The following PPOX variants were observed in gnomAD, a reference collection of about 807,000 sequenced individuals.
The protein encoded by PPOX is protoporphyrinogen oxidase.
PPOX carries 23 observed loss-of-function variants against 54.1 expected under a neutral mutation model. The ratio of observed to expected loss-of-function variants is 0.43; its 90% CI spans 0.31 to 0.60. The LOEUF is 0.60. PPOX is among the 20% of genes least tolerant of loss of function. PPOX has a pLI of 0.13. For synonymous variants in PPOX, 224 were observed against 236.1 expected (o/e 0.95, Z 0.47); for missense variants, 512 against 601.1 (o/e 0.85, Z 1.55).
downstream of PPOX, chr1:161,172,544 C>T (rs1042757817): frequency 5.5e-6 from 3 of 541,776 alleles, no homozygotes; most frequent in Non-Finnish European, 9.6e-6. Context: ...GCCAGTCACC[C>T]TAGGGCCTTT....
rs1184807069 is a variant in PPOX, at chr1:161,166,887, G to A, written c.40G>A (p.Gly14Ser). The change falls in exon 2 of 13, where the codon GGC becomes AGC. Residue 14 changes from glycine (G) to serine (S), a missense_variant. By Grantham distance (56) the Gly-to-Ser change is moderately conservative. Coordinates refer to ENST00000367999, the MANE Select transcript of PPOX (RefSeq NM_001122764.3). ...TVVVLGGGISGLAASYHLSRA... is the reference protein window; with the variant it reads ...TVVVLGGGISSLAASYHLSRA... ...GGTCGTGCTGGGCGGAGGCATCAGC[G>A]GCTTGGCCGCCAGTTACCACCTGAG... 2.5e-6 allele frequency: 4 copies of A among 1,613,648 alleles called. No individual in the cohort carries two copies. In the African/African-American group the frequency reaches 4.0e-5, roughly 16 times the overall value.
intron 7 of PPOX, 29 bp from the exon 8 acceptor site, chr1:161,169,631 G>A: frequency 6.2e-7 from 1 of 1,607,970 alleles, no homozygotes; most frequent in African/African-American, 1.3e-5. Flanking sequence ...CTCATTTTCT[G>A]GGTCTCTCAA....
downstream of PPOX, chr1:161,175,872 C>G: frequency 6.2e-7 from 1 of 1,614,102 alleles, no homozygotes; most frequent in Non-Finnish European, 8.5e-7. Context: ...CCCCTGGGGC[C>G]CCAGGCAGGT....
downstream of PPOX, among the ~76,000 whole-genome samples, chr1:161,172,825 C>T (rs1339291385): frequency 7.1e-6 from 1 of 140,174 alleles, no homozygotes; most frequent in Non-Finnish European, 1.5e-5. Flanking sequence ...GCCAGGAGTT[C>T]AAGACCAGCC....
downstream of PPOX, among the ~76,000 whole-genome samples, chr1:161,174,347 G>A (rs1662658172): frequency 6.6e-6 from 1 of 150,938 alleles, no homozygotes; most frequent in Non-Finnish European, 1.5e-5. Flanking sequence ...GGTGGAGCTT[G>A]CAGTCAGCCG....
At chr1:161,170,125 G>A in intron 9 of PPOX, 101 bp downstream of exon 9, 1 of 1,395,960 alleles carries the variant, frequency 7.2e-7, no homozygotes, top group African/African-American at 1.4e-5. Context: ...AGGAGTTCGA[G>A]ACCAGCCTGG....
chr1:161,171,358 T>C (rs1055874805), downstream of PPOX: 23 of 1,084,912 alleles, frequency 2.1e-5, no homozygotes, highest in African/African-American at 4.7e-5. Context: ...CCCAGCCCCC[T>C]GAGCCAGGAC....
chr1:161,173,774 AT>A, downstream of PPOX: 1 of 1,612,548 alleles, frequency 6.2e-7, no homozygotes, highest in Non-Finnish European at 8.5e-7. Flanking sequence ...CTGGGGACAC[AT>A]CCCCAACCAC....
intron 7 of PPOX, 80 bp downstream of exon 7, chr1:161,169,263 A>C: frequency 6.6e-7 from 1 of 1,507,884 alleles, no homozygotes; most frequent in Non-Finnish European, 9.1e-7. Context: ...CAGGGCCGAT[A>C]GGACTGGAGT....
chr1:161,175,166 G>A, downstream of PPOX: 1 of 1,613,846 alleles, frequency 6.2e-7, no homozygotes, highest in Non-Finnish European at 8.5e-7. Flanking sequence ...TCTACCCGGG[G>A]ATTCCGCTCC....
chr1:161,169,839 A>T (rs1660515345), intron 8 of PPOX, 67 bp from the exon 9 acceptor site: 2 of 1,614,038 alleles, frequency 1.2e-6, no homozygotes, highest in Non-Finnish European at 1.7e-6. Context: ...ATGGGAGTCT[A>T]ATCCCAAAGA....
downstream of PPOX, chr1:161,174,166 G>A (rs918066913): frequency 9.2e-7 from 1 of 1,082,044 alleles, no homozygotes; most frequent in Non-Finnish European, 1.3e-6. Context: ...CCAGTACTTT[G>A]GGAGGCCAAG....
At chr1:161,168,934 G>C (rs1660121703) in intron 6 of PPOX, 59 bp from the exon 7 acceptor site, 1 of 1,599,928 alleles carries the variant, frequency 6.3e-7, no homozygotes, top group African/African-American at 1.3e-5. Flanking sequence ...AAAGTGCTGG[G>C]ATTACAGGTG....
At chr1:161,171,341 T>C, downstream of PPOX, 1 of 1,210,258 alleles carries the variant, frequency 8.3e-7, no homozygotes, top group Admixed American at 2.0e-5. Context: ...AGAAAATATA[T>C]CAAAATCCCA....
chr1:161,166,729 C>G, intron 1 of PPOX, 57 bp downstream of exon 1: 1 of 1,551,914 alleles, frequency 6.4e-7, no homozygotes, highest in Non-Finnish European at 8.7e-7. Flanking sequence ...TCCGTGCACA[C>G]TTAGTTTCCC....
chr1:161,167,283 T>C (rs774589266), intron 3 of PPOX, 49 bp downstream of exon 3: 60 of 1,613,944 alleles, frequency 3.7e-5, no homozygotes, highest in Middle Eastern at 1.6e-4. Context: ...GGGGCTTCCA[T>C]TGGGGAATAG....
At chr1:161,174,048 G>A (rs778678677), downstream of PPOX, 5 of 1,613,062 alleles carry the variant, frequency 3.1e-6, no homozygotes, top group Non-Finnish European at 4.2e-6. Flanking sequence ...TCCATTTCCA[G>A]CCTGGAAGAT....
At chr1:161,174,532 C>A (rs911043751), downstream of PPOX, among the ~76,000 whole-genome samples, 4 of 152,260 alleles carry the variant, frequency 2.6e-5, no homozygotes, top group African/African-American at 7.2e-5. Flanking sequence ...ACAAATCTTG[C>A]TTGTGTATTG....
chr1:161,171,452 T>C (rs1661404859), downstream of PPOX: 1 of 590,784 alleles, frequency 1.7e-6, no homozygotes, highest in Non-Finnish European at 2.9e-6. Context: ...GAACCATAAA[T>C]AGAATAAATA....
Sources: gnomAD v4.1 joint callset for allele counts (sites outside exome capture counted in the v4.1 genomes callset) on GRCh38, gnomAD v4.1.1 for gene constraint, MANE v1.5 for transcripts, NCBI Gene and HGNC (gene_info 2026-07-23, HGNC 2026-07-21) for gene names.